MCTP2: variants seen among roughly 807,000 people sequenced by gnomAD.
MCTP2 encodes the protein multiple C2 and transmembrane domain-containing protein 2.
Under a neutral mutation model 111.6 loss-of-function variants are expected in MCTP2, and 132 were observed. That is an observed-to-expected ratio of 1.18 (90% confidence interval 1.03 to 1.37). MCTP2 has a LOEUF of 1.37. Ranked by LOEUF, MCTP2 falls within the 40% of genes most tolerant of loss-of-function variation. MCTP2 has a pLI of 0.00. For missense variants in MCTP2, 1,183 were observed against 1,067.9 expected (o/e 1.11, Z -1.50); for synonymous variants, 395 against 387.7 (o/e 1.02, Z -0.22).
rs561589662 is a variant in MCTP2, at chr15:94,357,582, G to A, written c.1171-900G>A. On this transcript the variant is annotated intron_variant, in intron 9 of 22. Transcript: ENST00000357742. ...TTGTTTTTGTTTTTTTCCCAACCTG[G>A]TTTCTAAATTCTGTGATCCAATATA... 2.6e-5 allele frequency among the ~76,000 whole-genome samples: 4 copies of A among 151,238 alleles called. No homozygotes were observed. In the South Asian group the frequency reaches 8.3e-4, roughly 31 times the overall value.
intron 1 of MCTP2, among the ~76,000 whole-genome samples, chr15:94,246,464 A>G (rs1348668512): frequency 6.6e-6 from 1 of 152,196 alleles, no homozygotes; most frequent in Non-Finnish European, 1.5e-5. Flanking sequence ...CCCCTTAAGG[A>G]GTAGCTGCAG....
chr15:94,431,092 G>A (rs1168912362), intron 17 of MCTP2, among the ~76,000 whole-genome samples: 1 of 151,900 alleles, frequency 6.6e-6, no homozygotes, highest in Non-Finnish European at 1.5e-5. Flanking sequence ...GGCTGCTTTT[G>A]GTTTGTTTTT....
chr15:94,244,674 CTA>C (rs1459726171), intron 1 of MCTP2, among the ~76,000 whole-genome samples: 6 of 145,204 alleles, frequency 4.1e-5, no homozygotes, highest in Admixed American at 1.3e-4. Flanking sequence ...ACATATCCAC[CTA>C]TGTTTATATA....
intron 1 of MCTP2, among the ~76,000 whole-genome samples, chr15:94,280,552 T>C (rs2074428986): frequency 6.6e-6 from 1 of 152,012 alleles, no homozygotes; most frequent in Non-Finnish European, 1.5e-5. Flanking sequence ...TAACAACTTT[T>C]GGTTTCATTG....
chr15:94,386,771 T>G (rs1034982097), intron 14 of MCTP2, among the ~76,000 whole-genome samples: 14 of 152,254 alleles, frequency 9.2e-5, no homozygotes, highest in African/African-American at 2.9e-4. Flanking sequence ...TCATTTCACT[T>G]TTTTTATTCC....
At position 94,479,685 on chromosome 15, in the gene MCTP2, A is replaced by G. The variant is rs2074628799; in HGVS notation, c.*651A>G. 1 of 152,172 alleles carries G rather than the reference A, an allele frequency of 6.6e-6. No homozygotes were observed. Among genetic ancestry groups the G allele is most frequent in the South Asian group, 2.1e-4 (1 of 4,820 alleles). The allele number at this position is 152,172 out of a possible 1,614,324, so 9.4% of individuals were successfully genotyped here. ...CAGCAGGGTCCATTGCTGGCAATGGATGGCCCAGGAAGGTCCCTAGAGATC... is the reference window on the plus strand; with the variant it reads ...CAGCAGGGTCCATTGCTGGCAATGGGTGGCCCAGGAAGGTCCCTAGAGATC... On this transcript the variant is annotated 3_prime_UTR_variant, in exon 23 of 23. Transcript: ENST00000357742.
intron 10 of MCTP2, among the ~76,000 whole-genome samples, chr15:94,359,597 C>A (rs552507798): frequency 6.6e-6 from 1 of 152,232 alleles, no homozygotes; most frequent in East Asian, 1.9e-4. Flanking sequence ...TCAGCTTTTG[C>A]CTGTGCTCTG....
At chr15:94,269,347 T>C (rs1048582418) in intron 1 of MCTP2, among the ~76,000 whole-genome samples, 1 of 152,238 alleles carries the variant, frequency 6.6e-6, no homozygotes, top group Admixed American at 6.5e-5. Flanking sequence ...CAAATTCTTC[T>C]AATATTCAGG....
Position 94,298,599 on chromosome 15 carries a change from C to T in MCTP2, c.334C>T (p.His112Tyr), listed in dbSNP as rs751060509. Residue 112 changes from histidine (H) to tyrosine (Y), a missense_variant, in exon 2 of 23, where the codon CAC becomes TAC. Coordinates refer to ENST00000357742, the MANE Select transcript of MCTP2 (RefSeq NM_001385001.1). ...ELDWSQEEAS[H>Y]LHVVETDSEE... Reference sequence around the variant, plus strand: ...GGATTGGAGCCAGGAAGAAGCCAGTCACCTCCATGTGGTGGAAACAGACTC... The same window carrying T: ...GGATTGGAGCCAGGAAGAAGCCAGTTACCTCCATGTGGTGGAAACAGACTC... 1.9e-6 allele frequency: 3 copies of T among 1,613,992 alleles called. No individual in the cohort carries two copies. The highest frequency in any genetic ancestry group is 2.5e-6 in the Non-Finnish European group (3 of 1,180,018).
intron 12 of MCTP2, among the ~76,000 whole-genome samples, chr15:94,379,750 A>G (rs576129846): frequency 6.9e-6 from 1 of 145,796 alleles, no homozygotes; most frequent in African/African-American, 2.5e-5. Flanking sequence ...TATATGATAT[A>G]TAATATATAT....
intron 17 of MCTP2, among the ~76,000 whole-genome samples, chr15:94,424,493 A>G (rs551721356): frequency 7.2e-5 from 11 of 152,026 alleles, no homozygotes; most frequent in African/African-American, 1.4e-4. Flanking sequence ...TGAATCAGGA[A>G]CTCTGGGGAT....
At chr15:94,402,573 A>G (rs2081654245) in intron 17 of MCTP2, 2 of 1,551,500 alleles carry the variant, frequency 1.3e-6, no homozygotes, top group South Asian at 1.2e-5. Flanking sequence ...ATAAAATCGC[A>G]GAATCAAAGC....
At chr15:94,371,824 G>A (rs1007431694) in intron 12 of MCTP2, among the ~76,000 whole-genome samples, 1 of 152,142 alleles carries the variant, frequency 6.6e-6, no homozygotes, top group African/African-American at 2.4e-5. Context: ...CAGTAGCTGA[G>A]ATTACAGATG....
intron 1 of MCTP2, among the ~76,000 whole-genome samples, chr15:94,242,333 C>CATGT (rs765851314): frequency 1.5e-4 from 23 of 152,138 alleles, no homozygotes; most frequent in Non-Finnish European, 2.6e-4. Flanking sequence ...AGTAAGAATA[C>CATGT]ATGTAGACTG....
intron 4 of MCTP2, among the ~76,000 whole-genome samples, chr15:94,321,065 A>C (rs2076609790): frequency 6.6e-6 from 1 of 152,208 alleles, no homozygotes; most frequent in Non-Finnish European, 1.5e-5. Context: ...AGTCAGGCAC[A>C]AAAAGACAAA....
At chr15:94,450,626 A>G (rs759314722) in intron 19 of MCTP2, among the ~76,000 whole-genome samples, 1 of 152,220 alleles carries the variant, frequency 6.6e-6, no homozygotes, top group Non-Finnish European at 1.5e-5. Flanking sequence ...CAGACCAAAC[A>G]TATTCTTATT....
chr15:94,320,962 G>A (rs2076605510), intron 4 of MCTP2, among the ~76,000 whole-genome samples: 1 of 152,160 alleles, frequency 6.6e-6, no homozygotes, highest in African/African-American at 2.4e-5. Flanking sequence ...TCTAAAATGG[G>A]TGTGATGTAC....
At position 94,442,880 on chromosome 15, in the gene MCTP2, CG is replaced by C. The variant is rs1567716351; in HGVS notation, c.2209-37del. On this transcript the variant is annotated intron_variant, in intron 18 of 22. Coordinates refer to ENST00000357742, the MANE Select transcript of MCTP2 (RefSeq NM_001385001.1). ...GAGTTTAATTTGCATTTGTTAATTT[CG>C]GTTGATGTTTCTATAAACACGTGGG... is the stretch of plus-strand genomic sequence containing the variant. The C allele has an allele frequency of 2.6e-6, 4 of 1,566,680 alleles. No individual in the cohort carries two copies. The South Asian group carries it at 4.5e-5, about 18-fold the overall frequency.
At chr15:94,410,956 G>A (rs559727157) in intron 17 of MCTP2, among the ~76,000 whole-genome samples, 54 of 152,328 alleles carry the variant, frequency 3.5e-4, no homozygotes, top group African/African-American at 1.3e-3. Context: ...GCCCATCCAG[G>A]AATTGTGCTA....
Sources: allele counts gnomAD v4.1 joint callset (sites outside exome capture counted in the v4.1 genomes callset), GRCh38; gene constraint gnomAD v4.1.1; transcripts MANE v1.5; gene names NCBI Gene and HGNC (gene_info 2026-07-23, HGNC 2026-07-21).